PXK: variants seen among roughly 807,000 people sequenced by gnomAD.
The protein encoded by PXK is PX domain-containing protein kinase-like protein.
A neutral mutation model predicts 84.7 loss-of-function variants in PXK; 35 were observed. The observed-to-expected ratio is 0.41, with a 90% confidence interval of 0.32 to 0.55. PXK has a LOEUF of 0.55. Ranked by LOEUF, PXK falls within the 20% of genes least tolerant of loss-of-function variation. PXK has a pLI of 0.21. For missense variants in PXK, 634 were observed against 699.7 expected, an observed-to-expected ratio of 0.91 and a Z score of 1.06; for synonymous variants, 253 against 260.8, an observed-to-expected ratio of 0.97 and a Z score of 0.29.
Position 58,383,585 on chromosome 3 carries a change from C to T in PXK, c.388+885C>T, listed in dbSNP as rs1024503139. 6.6e-6 allele frequency among the ~76,000 whole-genome samples: 1 copy of T among 152,130 alleles called. No homozygotes were observed. The highest frequency in any genetic ancestry group is 2.1e-4 in the South Asian group (1 of 4,822). On this transcript the variant is annotated intron_variant, in intron 4 of 17. Coordinates refer to ENST00000356151, the MANE Select transcript of PXK (RefSeq NM_017771.5). This position sits in a 1 kb window ranked among gnomAD's most constrained non-coding sequence, Gnocchi z 4.0. ...CAAATCTTTCCTGGATCAGGGCAGC[C>T]GCCAAGGTACTGTGGTTGAAAGGGC... is the stretch of plus-strand genomic sequence containing the variant.
chr3:58,413,170 C>A, intron 17 of PXK: 1 of 616,136 alleles, frequency 1.6e-6, no homozygotes, highest in South Asian at 1.9e-5. Context: ...GGGAATGGAC[C>A]GGTTTCAGGG....
Position 58,365,933 on chromosome 3 carries a change from C to CTTTTTTTT in PXK, c.153+17_153+24dup. 7.2e-7 allele frequency: 1 copy of CTTTTTTTT among 1,394,016 alleles called. No homozygotes were observed. The highest frequency in any genetic ancestry group is 9.6e-7 in the Non-Finnish European group (1 of 1,043,684). 86.4% of individuals were successfully genotyped at this position (1,394,016 alleles called of 1,614,324 possible). On this transcript the variant is annotated intron_variant, in intron 2 of 17. Coordinates refer to ENST00000356151, the MANE Select transcript of PXK (RefSeq NM_017771.5). ...TGGAAAACAGCTGGCAGGTAAGCAT[C>CTTTTTTTT]TTTTTTTTTTTTTTTGTCAATTAGA...
chr3:58,422,893 C>G, intron 17 of PXK: 2 of 985,384 alleles, frequency 2.0e-6, no homozygotes, highest in Non-Finnish European at 2.4e-6. Context: ...ATTCTTCTGC[C>G]GGGGGTCAAA....
rs2061055050 is a variant in PXK, at chr3:58,416,936, T to C, written c.1528+3973T>C. 1.3e-5 allele frequency among the ~76,000 whole-genome samples: 2 copies of C among 152,180 alleles called. No homozygotes were observed. Among genetic ancestry groups the C allele is most frequent in the Admixed American group, 6.5e-5 (1 of 15,272 alleles). On this transcript the variant is annotated intron_variant, in intron 17 of 17. Transcript: ENST00000356151. The surrounding 1 kb of genome is among the most constrained non-coding windows in gnomAD (Gnocchi z 4.8). ...CTGTGCCCGGCCAGGATTGCAACTT[T>C]TGGCTGGCCAGCCCATGCTTAGGCT...
intron 17 of PXK, among the ~76,000 whole-genome samples, chr3:58,418,407 T>C (rs961447032): frequency 6.6e-6 from 1 of 151,914 alleles, no homozygotes. Flanking sequence ...GAGCCAGGAG[T>C]GTAACTTGTT....
At chr3:58,347,162 G>A (rs966924987) in intron 1 of PXK, among the ~76,000 whole-genome samples, 9 of 151,970 alleles carry the variant, frequency 5.9e-5, no homozygotes, top group East Asian at 3.9e-4. Flanking sequence ...TTATAAAGAC[G>A]AGGTCTCACT....
chr3:58,393,557 T>C (rs1031805022), intron 7 of PXK, among the ~76,000 whole-genome samples: 3 of 152,214 alleles, frequency 2.0e-5, no homozygotes, highest in African/African-American at 7.2e-5. Flanking sequence ...TATTATGGGC[T>C]GTATAGAATT....
intron 1 of PXK, among the ~76,000 whole-genome samples, chr3:58,340,627 G>GA (rs1055761710): frequency 6.6e-6 from 1 of 152,050 alleles, no homozygotes; most frequent in Non-Finnish European, 1.5e-5. Context: ...TCGGGAGCCT[G>GA]AGGCAGGAGA....
intron 6 of PXK, 125 bp downstream of exon 6, chr3:58,391,345 C>T (rs2098629515): frequency 1.3e-6 from 1 of 788,234 alleles, no homozygotes; most frequent in Non-Finnish European, 2.0e-6. Flanking sequence ...TTCCTTGGTC[C>T]ATGTCAAAGA....
intron 3 of PXK, among the ~76,000 whole-genome samples, chr3:58,378,920 T>G (rs920724086): frequency 6.5e-4 from 99 of 151,796 alleles, no homozygotes; most frequent in East Asian, 2.1e-3. Context: ...TTTATTATTA[T>G]TATTAGTAGT....
chr3:58,399,160 C>G lies in PXK; in HGVS notation c.1103-139C>G. ...CATTCCCCCACCCCACGTATGCCAT[C>G]TGTCTGTGTGTGAAGATTTTTGACA... On this transcript the variant is annotated intron_variant, in intron 11 of 17. Transcript: ENST00000356151. This position sits in a 1 kb window ranked among gnomAD's most constrained non-coding sequence, Gnocchi z 4.3. The G allele has an allele frequency of 1.4e-6, 1 of 718,562 alleles. No individual in the cohort carries two copies. Among genetic ancestry groups the G allele is most frequent in the Non-Finnish European group, 2.5e-6 (1 of 399,240 alleles). The allele number at this position is 718,562 out of a possible 1,614,324, so 44.5% of individuals were successfully genotyped here. A position where few individuals can be genotyped will look rare whatever the true frequency, so the allele number is the denominator to read the frequency against.
Position 58,333,631 on chromosome 3 carries a change from C to A in PXK, c.102+541C>A, listed in dbSNP as rs1177788397. Reference sequence around the variant, plus strand: ...TCTGCAGCCCCGTTTCCAGGTCAGCCGCTTGGCCCTGGTCCCGGGAAGTGG... The same window carrying A: ...TCTGCAGCCCCGTTTCCAGGTCAGCAGCTTGGCCCTGGTCCCGGGAAGTGG... On this transcript the variant is annotated intron_variant, in intron 1 of 17. Transcript: ENST00000356151. This position sits in a 1 kb window ranked among gnomAD's most constrained non-coding sequence, Gnocchi z 5.4. 2.2e-6 allele frequency: 1 copy of A among 456,524 alleles called. No individual in the cohort carries two copies. Among genetic ancestry groups the A allele is most frequent in the African/African-American group, 2.0e-5 (1 of 50,074 alleles). 28.3% of individuals were successfully genotyped at this position (456,524 alleles called of 1,614,324 possible).
chr3:58,361,319 ATG>A (rs1288845015), intron 1 of PXK, among the ~76,000 whole-genome samples: 13 of 143,546 alleles, frequency 9.1e-5, no homozygotes, highest in African/African-American at 2.8e-4. Context: ...AAAAAAAAAA[ATG>A]CAGAGAGATC....
chr3:58,336,059 ATATATATATATATTTTTTTTTTTT>A (rs1261853907), intron 1 of PXK, among the ~76,000 whole-genome samples: 11 of 58,370 alleles, frequency 1.9e-4, no homozygotes, highest in African/African-American at 1.0e-3. Flanking sequence ...ATATATATAT[ATATATATATATATTTTTTTTTTTT>A]TTTTTTAATA....
At position 58,398,583 on chromosome 3, in the gene PXK, C is replaced by T. The variant is rs1169869775; in HGVS notation, c.1103-716C>T. Among the ~76,000 whole-genome samples, 1 of 152,088 alleles carries T rather than the reference C, an allele frequency of 6.6e-6. No homozygotes were observed. The highest frequency in any genetic ancestry group is 1.5e-5 in the Non-Finnish European group (1 of 68,010). Reference sequence around the variant, plus strand: ...AGGGGAGCTGGAGGACAAGTGAGAGCACCTTTAGGAAGGAGGGATGCAGGA... The same window carrying T: ...AGGGGAGCTGGAGGACAAGTGAGAGTACCTTTAGGAAGGAGGGATGCAGGA... On this transcript the variant is annotated intron_variant, in intron 11 of 17. Transcript: ENST00000356151. The surrounding 1 kb of genome is among the most constrained non-coding windows in gnomAD (Gnocchi z 4.5).
chr3:58,346,681 CAG>C (rs1364229119), intron 1 of PXK, among the ~76,000 whole-genome samples: 1 of 150,110 alleles, frequency 6.7e-6, no homozygotes, highest in Non-Finnish European at 1.5e-5. Flanking sequence ...TTTTTTGAAA[CAG>C]AGTCTCACTC....
chr3:58,378,530 G>T (rs1157728910), intron 3 of PXK, among the ~76,000 whole-genome samples: 3 of 57,408 alleles, frequency 5.2e-5, no homozygotes, highest in African/African-American at 1.7e-4. Context: ...GTGTGTGTGT[G>T]TGTGTGTGTG....
intron 12 of PXK, 110 bp from the exon 13 acceptor site, chr3:58,403,752 G>C: frequency 2.0e-6 from 1 of 502,530 alleles, no homozygotes; most frequent in Non-Finnish European, 3.4e-6. Flanking sequence ...GGAGGATGTG[G>C]TGCAGGGAAG....
chr3:58,422,860 A>C (rs2062135297), intron 17 of PXK: 3 of 985,412 alleles, frequency 3.0e-6, no homozygotes, highest in Non-Finnish European at 3.6e-6. Context: ...CGCAGCCGAG[A>C]GCCTGTCCTT....
Sources: gnomAD v4.1 joint callset for allele counts (sites outside exome capture counted in the v4.1 genomes callset) on GRCh38, gnomAD v4.1.1 for gene constraint, Gnocchi (gnomAD v3.1) non-coding constraint, MANE v1.5 for transcripts, NCBI Gene and HGNC (gene_info 2026-07-23, HGNC 2026-07-21) for gene names.